The following SLC2A3 variants were observed in gnomAD, a reference collection of about 807,000 sequenced individuals.
The protein encoded by SLC2A3 is solute carrier family 2, facilitated glucose transporter member 3.
A neutral mutation model predicts 46.4 loss-of-function variants in SLC2A3; 21 were observed. The ratio of observed to expected loss-of-function variants is 0.45; its 90% CI spans 0.32 to 0.65. SLC2A3 has a LOEUF of 0.65. SLC2A3 is among the 30% of genes least tolerant of loss of function. The pLI is 0.04. For synonymous variants in SLC2A3, 213 were observed against 239.4 expected, an observed-to-expected ratio of 0.89 and a Z score of 1.02; for missense variants, 499 against 623.3, an observed-to-expected ratio of 0.80 and a Z score of 2.12.
chr12:7,930,454 T>G, intron 5 of SLC2A3, 26 bp downstream of exon 5: 1 of 1,602,002 alleles, frequency 6.2e-7, no homozygotes. Context: ...ATATAATTCA[T>G]GTAGTAAGGT....
rs1373432995 is a variant in SLC2A3 at position 7,921,340 on chromosome 12, C to T, written c.*73G>A. On this transcript the variant is annotated 3_prime_UTR_variant, in exon 10 of 10. Coordinates refer to ENST00000075120, the MANE Select transcript of SLC2A3 (RefSeq NM_006931.3). ...CATTCAGAAGCGTCCTGGGTTCATCCTGATGAGGTCTCTCCCTTGTTGAGG... is the reference window on the plus strand; with the variant it reads ...CATTCAGAAGCGTCCTGGGTTCATCTTGATGAGGTCTCTCCCTTGTTGAGG... 22 of 1,609,226 alleles carry T rather than the reference C, an allele frequency of 1.4e-5. No individual in the cohort carries two copies. Among genetic ancestry groups the T allele is most frequent in the Non-Finnish European group, 1.8e-5 (21 of 1,177,100 alleles).
chr12:7,933,093 A>T lies in SLC2A3; in HGVS notation c.163T>A (p.Ser55Thr), dbSNP rs141717200. ...TLTDKGNAPP[S>T]EVLLTSLWSL... Reference sequence around the variant, plus strand: ...CAGAGAGACGTGAGCAGCACCTCAGAGGGTGGGGCATTTCCCTTGTCCGTC... The same window carrying T: ...CAGAGAGACGTGAGCAGCACCTCAGTGGGTGGGGCATTTCCCTTGTCCGTC... Residue 55 changes from serine to threonine, a missense_variant, in exon 3 of 10, where the codon TCT becomes ACT. This residue lies in a region of SLC2A3 where 248 missense variants were observed against 284.0 expected (regional missense o/e 0.87). Transcript: ENST00000075120. The T allele has an allele frequency of 6.5e-4, 1,046 of 1,614,118 alleles. 4 individuals carry two copies. The highest frequency in any genetic ancestry group is 1.1e-3 in the Admixed American group (66 of 60,012).
At chr12:7,921,977 G>C (rs1335536243) in intron 9 of SLC2A3, among the ~76,000 whole-genome samples, 2 of 152,010 alleles carry the variant, frequency 1.3e-5, no homozygotes, top group African/African-American at 2.4e-5. Flanking sequence ...AGGATCACTG[G>C]AACCCAGCAG....
At chr12:7,926,012 A>C in intron 6 of SLC2A3, 64 bp from the exon 7 acceptor site, 1 of 1,396,680 alleles carries the variant, frequency 7.2e-7, no homozygotes. Context: ...AGAACCCTCA[A>C]AAATAAACTT....
At position 7,930,513 on chromosome 12, in the gene SLC2A3, T is replaced by C; in HGVS notation, c.640A>G (p.Ile214Val). 3.7e-6 allele frequency: 6 copies of C among 1,613,808 alleles called. No homozygotes were observed. The highest frequency in any genetic ancestry group is 5.1e-6 in the Non-Finnish European group (6 of 1,179,798). The change falls in exon 5 of 10, where the codon ATT becomes GTT. Residue 214 changes from isoleucine (I) to valine (V), a missense_variant. Physicochemically the swap from Ile to Val is conservative, Grantham distance 29. Coordinates refer to ENST00000075120, the MANE Select transcript of SLC2A3 (RefSeq NM_006931.3). ...GCATTCTCCTCTTCTTTTCTGTTAA[T>C]GAGCAAAAATCTGGGACTTTCAGGG... ...FCPESPRFLL[I>V]NRKEEENAKQ...
intron 4 of SLC2A3, 104 bp downstream of exon 4, chr12:7,931,141 T>C (rs1034737900): frequency 7.8e-6 from 12 of 1,532,840 alleles, no homozygotes; most frequent in Middle Eastern, 4.0e-4. Context: ...AACTTCCATA[T>C]GTAATTGAAC....
At position 7,919,890 on chromosome 12, in the gene SLC2A3, A is replaced by T. The variant is rs1447898378; in HGVS notation, c.*1523T>A. 1.3e-5 allele frequency: 2 copies of T among 152,234 alleles called. No homozygotes were observed. Among genetic ancestry groups the T allele is most frequent in the East Asian group, 3.8e-4 (2 of 5,204 alleles). The allele number at this position is 152,234 out of a possible 1,614,324, so 9.4% of individuals were successfully genotyped here. A position where few individuals can be genotyped will look rare whatever the true frequency, so the allele number is the denominator to read the frequency against. On this transcript the variant is annotated 3_prime_UTR_variant, in exon 10 of 10. Coordinates refer to ENST00000075120, the MANE Select transcript of SLC2A3 (RefSeq NM_006931.3). ...GGGCTGTAGGAACAAACACAGAGAA[A>T]ATAAGTCAACAATAACGTACTTCCA...
At position 7,933,872 on chromosome 12, in the gene SLC2A3, CTG is replaced by C; in HGVS notation, c.44_45del (p.Thr15SerfsTer20). 6.2e-7 allele frequency: 1 copy of C among 1,614,056 alleles called. No individual in the cohort carries two copies. Among genetic ancestry groups the C allele is most frequent in the Non-Finnish European group, 8.5e-7 (1 of 1,179,978 alleles). ...KVTPALIFAI[T>X]VATIGSFQFG... ...AATTGGAAAGAGCCGATTGTAGCAACTGTGATGGCAAATATCAGAGCTGGGGT... is the reference window on the plus strand; with the variant it reads ...AATTGGAAAGAGCCGATTGTAGCAACTGATGGCAAATATCAGAGCTGGGGT... On this transcript the variant is annotated frameshift_variant, in exon 2 of 10. Transcript: ENST00000075120. LOFTEE classifies it high-confidence loss of function.
chr12:7,934,296 A>G (rs1359022403), intron 1 of SLC2A3, among the ~76,000 whole-genome samples: 1 of 152,070 alleles, frequency 6.6e-6, no homozygotes, highest in Admixed American at 6.6e-5. Context: ...AAACAAATAC[A>G]GTGCAGTCTG....
chr12:7,929,686 C>G lies in SLC2A3; in HGVS notation c.859G>C (p.Ala287Pro). The G allele has an allele frequency of 6.2e-7, 1 of 1,613,298 alleles. No homozygotes were observed. Among genetic ancestry groups the G allele is most frequent in the Non-Finnish European group, 8.5e-7 (1 of 1,179,562 alleles). Residue 287 changes from alanine to proline, a missense_variant and splice_region_variant, in exon 6 of 10, where the codon GCT becomes CCT. Physicochemically the swap from Ala to Pro is conservative, Grantham distance 27. This residue lies in a region of SLC2A3 where 65 missense variants were observed against 88.4 expected (regional missense o/e 0.74). Coordinates refer to ENST00000075120, the MANE Select transcript of SLC2A3 (RefSeq NM_006931.3). ...QLSQQLSGIN[A>P]VFYYSTGIFK... ...TGACCCTAAAGTATCACACTCACAGCATTGATCCCAGAGAGCTGCTGAGAG... is the reference window on the plus strand; with the variant it reads ...TGACCCTAAAGTATCACACTCACAGGATTGATCCCAGAGAGCTGCTGAGAG...
intron 8 of SLC2A3, among the ~76,000 whole-genome samples, chr12:7,923,591 G>A (rs1441425731): frequency 6.6e-6 from 1 of 151,910 alleles, no homozygotes; most frequent in Non-Finnish European, 1.5e-5. Context: ...CTCCAGCCTG[G>A]TGACAGAGTG....
At chr12:7,932,473 G>A (rs1163154327) in intron 3 of SLC2A3, among the ~76,000 whole-genome samples, 2 of 152,076 alleles carry the variant, frequency 1.3e-5, no homozygotes, top group East Asian at 1.9e-4. Flanking sequence ...CCACCACACC[G>A]TGCCTAATTG....
Position 7,929,686 on chromosome 12 carries a change from C to A in SLC2A3, c.859G>T (p.Ala287Ser). The A allele has an allele frequency of 3.7e-6, 6 of 1,613,298 alleles. No individual in the cohort carries two copies. Among genetic ancestry groups the A allele is most frequent in the Non-Finnish European group, 5.1e-6 (6 of 1,179,562 alleles). Reference protein sequence around the residue: ...QLSQQLSGINAVFYYSTGIFK... With the variant: ...QLSQQLSGINSVFYYSTGIFK... ...TGACCCTAAAGTATCACACTCACAG[C>A]ATTGATCCCAGAGAGCTGCTGAGAG... Residue 287 changes from alanine (A) to serine (S), a missense_variant and splice_region_variant, in exon 6 of 10, where the codon GCT becomes TCT. Ala to Ser is a moderately conservative substitution (Grantham distance 99, BLOSUM62 1). Around this residue, in one of 5 missense-constraint regions of SLC2A3, gnomAD observed 65 missense variants for 88.4 expected, o/e 0.74. Transcript: ENST00000075120.
rs1476559113 is a variant in SLC2A3, at chr12:7,919,611, A to AG, written c.*1801dup. The stretch of plus-strand genomic sequence containing the variant: ...TAATTTTTGCATTTTTAGTAGAGAC[A>AG]GGGTTTCACGATGTTGGCCAGACTG... On this transcript the variant is annotated 3_prime_UTR_variant, in exon 10 of 10. Transcript: ENST00000075120. 6.6e-6 allele frequency: 1 copy of AG among 152,118 alleles called. No individual in the cohort carries two copies. Among genetic ancestry groups the AG allele is most frequent in the East Asian group, 1.9e-4 (1 of 5,186 alleles). 9.4% of individuals were successfully genotyped at this position (152,118 alleles called of 1,614,324 possible).
At chr12:7,933,487 C>A (rs7976243) in intron 2 of SLC2A3, 140,003 of 456,834 alleles carry the variant, frequency 0.31, 22,329 homozygotes, top group East Asian at 0.52. Flanking sequence ...CCCAGCGTTC[C>A]GGGAGTAAGT....
chr12:7,930,297 TA>T, intron 5 of SLC2A3, 182 bp downstream of exon 5: 1 of 648,510 alleles, frequency 1.5e-6, no homozygotes, highest in Non-Finnish European at 2.5e-6. Context: ...CATCCATTCC[TA>T]AACCCGCCTT....
intron 3 of SLC2A3, chr12:7,932,660 A>G (rs1174799736): frequency 8.2e-6 from 2 of 243,818 alleles, no homozygotes; most frequent in Admixed American, 1.0e-4. Flanking sequence ...TAATACAAGT[A>G]AACAACTTCG....
intron 3 of SLC2A3, among the ~76,000 whole-genome samples, chr12:7,931,879 C>T (rs905490079): frequency 1.9e-5 from 2 of 105,390 alleles, no homozygotes; most frequent in African/African-American, 3.4e-5. Context: ...ATCTAATTGG[C>T]ATTTTTTTTT....
At position 7,924,271 on chromosome 12, in the gene SLC2A3, T is replaced by C. The variant is rs761536482; in HGVS notation, c.1068+139A>G. ...CAGTTCTCTGACGACCCATGTTTCT[T>C]AAACTCTGGGCATCCTGCTTCTCTC... On this transcript the variant is annotated intron_variant, in intron 8 of 9. Coordinates refer to ENST00000075120, the MANE Select transcript of SLC2A3 (RefSeq NM_006931.3). 5.4e-6 allele frequency: 8 copies of C among 1,480,432 alleles called. No individual in the cohort carries two copies. In the East Asian group the frequency reaches 1.4e-4, roughly 26 times the overall value. 91.7% of individuals were successfully genotyped at this position (1,480,432 alleles called of 1,614,324 possible).
Sources: gnomAD v4.1 joint callset for allele counts (sites outside exome capture counted in the v4.1 genomes callset) on GRCh38, gnomAD v4.1.1 for gene constraint, gnomAD v4.1.1 regional missense constraint, MANE v1.5 for transcripts, NCBI Gene and HGNC (gene_info 2026-07-23, HGNC 2026-07-21) for gene names.